The following ASAP2 variants were observed in gnomAD, a reference collection of about 807,000 sequenced individuals.
ASAP2 encodes ArfGAP with SH3 domain, ankyrin repeat and PH domain 2, also known as arf-GAP with SH3 domain, ANK repeat and PH domain-containing protein 2.
In ASAP2, 45 loss-of-function variants were observed where a neutral mutation model predicts 131.4. That is an observed-to-expected ratio of 0.34 (90% CI 0.27 to 0.44). The LOEUF is 0.44. ASAP2 is among the 20% of genes least tolerant of loss of function. The pLI, the probability that ASAP2 is intolerant of heterozygous loss-of-function variation, is 1.00. For synonymous variants in ASAP2, 510 were observed against 503.0 expected (o/e 1.01, Z -0.19); for missense variants, 1,011 against 1,297.0 (o/e 0.78, Z 3.39).
chr2:9,230,308 G>A (rs1663065799), intron 1 of ASAP2, among the ~76,000 whole-genome samples: 1 of 152,204 alleles, frequency 6.6e-6, no homozygotes, highest in Admixed American at 6.5e-5. Flanking sequence ...GGACCCAGAG[G>A]ACCAGTGTTG....
chr2:9,368,730 G>A (rs1018941307), intron 16 of ASAP2, among the ~76,000 whole-genome samples: 13 of 152,002 alleles, frequency 8.6e-5, no homozygotes, highest in Non-Finnish European at 1.3e-4. Flanking sequence ...GGCAGGTTTC[G>A]CAGATGCTGT....
intron 15 of ASAP2, 124 bp from the exon 16 acceptor site, chr2:9,368,301 C>T (rs1365911389): frequency 2.3e-6 from 2 of 881,356 alleles, no homozygotes; most frequent in South Asian, 1.6e-5. Flanking sequence ...TCATTAAAGG[C>T]AAACCACTTT....
intron 3 of ASAP2, among the ~76,000 whole-genome samples, chr2:9,308,884 T>C (rs1669116902): frequency 6.6e-6 from 1 of 152,214 alleles, no homozygotes; most frequent in Non-Finnish European, 1.5e-5. Context: ...GGTGGTTTAT[T>C]CAGGCCATTT....
In ASAP2 at chr2:9,278,512, C is replaced by CA. The variant is rs543049325; in HGVS notation, c.127-789dup. ...TGGGTGACAGAGCGAGACCCCTTCT[C>CA]AAAAAAAAAAAAAAAAGAAAAAGAA... On this transcript the variant is annotated intron_variant, in intron 1 of 27. Coordinates refer to ENST00000281419, the MANE Select transcript of ASAP2 (RefSeq NM_003887.3). 5.1e-3 allele frequency among the ~76,000 whole-genome samples: 584 copies of CA among 113,846 alleles called. 6 individuals are homozygous for CA. The highest frequency in any genetic ancestry group is 0.034 in the South Asian group (106 of 3,150). The allele number at this position is 113,846 out of a possible 152,430, so 74.7% of individuals were successfully genotyped here.
intron 11 of ASAP2, among the ~76,000 whole-genome samples, chr2:9,348,325 AG>A (rs1189924845): frequency 0.011 from 1,745 of 152,056 alleles, 36 homozygotes; most frequent in African/African-American, 0.04. Context: ...CTACTAAATC[AG>A]CCAGGTCAGG....
At position 9,207,710 on chromosome 2, in the gene ASAP2, A is replaced by T. The variant is rs1435941218; in HGVS notation, c.126+480A>T. Among the ~76,000 whole-genome samples, 1 of 151,868 alleles carries T rather than the reference A, an allele frequency of 6.6e-6. No homozygotes were observed. Among genetic ancestry groups the T allele is most frequent in the Non-Finnish European group, 1.5e-5 (1 of 67,902 alleles). On this transcript the variant is annotated intron_variant, in intron 1 of 27. Coordinates refer to ENST00000281419, the MANE Select transcript of ASAP2 (RefSeq NM_003887.3). This position sits in a 1 kb window ranked among gnomAD's most constrained non-coding sequence, Gnocchi z 4.1. ...ACCCTCGGGTCCGCGGGTCCGGGGCATCCCGGGCTGCCCGGGAAGGCGTGC... is the reference window on the plus strand; with the variant it reads ...ACCCTCGGGTCCGCGGGTCCGGGGCTTCCCGGGCTGCCCGGGAAGGCGTGC...
intron 1 of ASAP2, among the ~76,000 whole-genome samples, chr2:9,214,344 A>C (rs1253352082): frequency 6.6e-6 from 1 of 151,382 alleles, no homozygotes; most frequent in African/African-American, 2.4e-5. Context: ...TTCAAGGGGG[A>C]TTCTCCTGCC....
At chr2:9,305,928 G>T (rs1178034663) in intron 3 of ASAP2, among the ~76,000 whole-genome samples, 4 of 150,882 alleles carry the variant, frequency 2.7e-5, no homozygotes, top group African/African-American at 9.8e-5. Flanking sequence ...GATATTGGTG[G>T]AGGGGCTGTA....
intron 2 of ASAP2, among the ~76,000 whole-genome samples, chr2:9,289,073 G>T (rs73915710): frequency 6.6e-6 from 1 of 152,162 alleles, no homozygotes; most frequent in South Asian, 2.1e-4. Flanking sequence ...GATTGTTTTC[G>T]CATGTTTATC....
chr2:9,248,385 C>A (rs1349585616), intron 1 of ASAP2, among the ~76,000 whole-genome samples: 1 of 147,390 alleles, frequency 6.8e-6, no homozygotes, highest in African/African-American at 2.5e-5. Context: ...TTTTTTTTTT[C>A]TTCTGGGTAA....
Position 9,403,334 on chromosome 2 carries a change from A to T in ASAP2, c.*7A>T. On this transcript the variant is annotated 3_prime_UTR_variant, in exon 28 of 28. Coordinates refer to ENST00000281419, the MANE Select transcript of ASAP2 (RefSeq NM_003887.3). ...GCACTTTATCGCTGACTGAATTGCT[A>T]CTGAACAAAAGCATTAACAGTTATG... is the stretch of plus-strand genomic sequence containing the variant. 1.9e-6 allele frequency: 3 copies of T among 1,613,390 alleles called. No individual in the cohort carries two copies. Among genetic ancestry groups the T allele is most frequent in the Non-Finnish European group, 2.5e-6 (3 of 1,179,394 alleles).
At chr2:9,336,247 C>T (rs1013857508) in intron 9 of ASAP2, among the ~76,000 whole-genome samples, 2 of 152,088 alleles carry the variant, frequency 1.3e-5, no homozygotes, top group African/African-American at 2.4e-5. Context: ...TTACAGTTTA[C>T]ACTTTTGCTG....
intron 1 of ASAP2, among the ~76,000 whole-genome samples, chr2:9,243,545 C>T (rs1020725049): frequency 2.0e-5 from 3 of 152,142 alleles, no homozygotes; most frequent in Admixed American, 6.5e-5. Flanking sequence ...GCTTTCTGTA[C>T]GTCAGGCAGA....
chr2:9,324,820 A>G (rs1670377271), intron 6 of ASAP2, among the ~76,000 whole-genome samples: 1 of 152,232 alleles, frequency 6.6e-6, no homozygotes, highest in Admixed American at 6.5e-5. Context: ...TCTGAAGTGT[A>G]TCACTTATAG....
chr2:9,346,348 A>G (rs747916242), intron 11 of ASAP2, among the ~76,000 whole-genome samples: 1 of 151,794 alleles, frequency 6.6e-6, no homozygotes, highest in Non-Finnish European at 1.5e-5. Flanking sequence ...AGGCAGGAGA[A>G]TTGCTTAAAC....
In ASAP2 at chr2:9,348,863, T is replaced by C. The variant is rs113149790; in HGVS notation, c.1024-1945T>C. ...TGTAGTAATTTAAGTTGTGGTTCTT[T>C]GCTGCTCTTAAAGATAAGTCCAGGC... On this transcript the variant is annotated intron_variant, in intron 11 of 27. Transcript: ENST00000281419. Among the ~76,000 whole-genome samples, 92 of 152,328 alleles carry C rather than the reference T, an allele frequency of 6.0e-4. 2 individuals are homozygous for C. The East Asian group carries it at 0.013, about 21-fold the overall frequency.
At chr2:9,215,359 G>A (rs755630368) in intron 1 of ASAP2, among the ~76,000 whole-genome samples, 35 of 152,024 alleles carry the variant, frequency 2.3e-4, no homozygotes, top group Non-Finnish European at 4.7e-4. Flanking sequence ...TGCTCATAAT[G>A]CTTCTTTACT....
At chr2:9,300,998 A>G (rs1366398092) in intron 3 of ASAP2, among the ~76,000 whole-genome samples, 1 of 152,250 alleles carries the variant, frequency 6.6e-6, no homozygotes, top group East Asian at 1.9e-4. Flanking sequence ...AGCCAGAGGA[A>G]GGCCCAGTGG....
At chr2:9,378,588 C>T (rs181194398) in intron 18 of ASAP2, among the ~76,000 whole-genome samples, 13 of 152,372 alleles carry the variant, frequency 8.5e-5, no homozygotes, top group Non-Finnish European at 4.4e-5. Flanking sequence ...CCTAGCACAG[C>T]AGCCTCGGCG....
Sources: gnomAD v4.1 joint callset for allele counts (sites outside exome capture counted in the v4.1 genomes callset) on GRCh38, gnomAD v4.1.1 for gene constraint, Gnocchi (gnomAD v3.1) non-coding constraint, MANE v1.5 for transcripts, NCBI Gene and HGNC (gene_info 2026-07-23, HGNC 2026-07-21) for gene names.